Variants in RANBP10 observed in about 807,000 individuals in gnomAD.
RANBP10 encodes the protein ran-binding protein 10.
Under a neutral mutation model 72.8 loss-of-function variants are expected in RANBP10, and 24 were observed. The observed-to-expected ratio is 0.33, with a 90% CI of 0.24 to 0.46. The LOEUF (loss-of-function observed/expected upper bound fraction) is 0.46. Among genes scored for constraint, RANBP10 ranks in the 20% least tolerant of loss-of-function variants. The pLI, the probability that RANBP10 is intolerant of heterozygous loss-of-function variation, is 1.00. For missense variants in RANBP10, 679 were observed against 817.5 expected, an observed-to-expected ratio of 0.83 and a Z score of 2.07; for synonymous variants, 310 against 322.3, an observed-to-expected ratio of 0.96 and a Z score of 0.41.
chr16:67,769,322 T>C (rs141950555), intron 3 of RANBP10, among the ~76,000 whole-genome samples: 85 of 151,384 alleles, frequency 5.6e-4, no homozygotes, highest in African/African-American at 1.8e-3. Flanking sequence ...CATGTACTTA[T>C]AGTCCCAGCT....
chr16:67,771,270 T>C (rs1319675102), intron 3 of RANBP10, among the ~76,000 whole-genome samples: 1 of 151,966 alleles, frequency 6.6e-6, no homozygotes, highest in Non-Finnish European at 1.5e-5. Flanking sequence ...TATATATAAA[T>C]AAAAAATAAA....
intron 2 of RANBP10, among the ~76,000 whole-genome samples, chr16:67,800,774 G>A (rs1351154375): frequency 6.6e-6 from 1 of 152,168 alleles, no homozygotes; most frequent in African/African-American, 2.4e-5. Context: ...TACTTGAGGA[G>A]TGCCCAGAAA....
chr16:67,735,102 C>T, intron 5 of RANBP10, 60 bp from the exon 6 acceptor site: 3 of 1,439,744 alleles, frequency 2.1e-6, no homozygotes, highest in Non-Finnish European at 2.8e-6. Flanking sequence ...TAAGGCCTCA[C>T]CTCACCTCCA....
rs374525626 is a variant in RANBP10, at chr16:67,762,507, C to T, written c.400+9527G>A. 5.9e-5 allele frequency: 9 copies of T among 152,210 alleles called. No individual in the cohort carries two copies. In the East Asian group the frequency reaches 1.5e-3, roughly 26 times the overall value. 9.4% of individuals were successfully genotyped at this position (152,210 alleles called of 1,614,324 possible). A position where few individuals can be genotyped will look rare whatever the true frequency, so the allele number is the denominator to read the frequency against. ...CTCCAGAATCCATGCTCTGCTCCAC[C>T]AGCTGACCACAGCCCTTGATGTCTA... On this transcript the variant is annotated intron_variant, in intron 3 of 13. Coordinates refer to ENST00000317506, the MANE Select transcript of RANBP10 (RefSeq NM_020850.3).
intron 3 of RANBP10, among the ~76,000 whole-genome samples, chr16:67,760,432 G>A (rs1468728785): frequency 6.6e-6 from 1 of 152,212 alleles, no homozygotes; most frequent in Non-Finnish European, 1.5e-5. Flanking sequence ...CTACCCAGCA[G>A]AAGCAGCTTC....
intron 2 of RANBP10, among the ~76,000 whole-genome samples, chr16:67,786,600 T>C (rs750086078): frequency 6.6e-6 from 1 of 152,124 alleles, no homozygotes; most frequent in Non-Finnish European, 1.5e-5. Flanking sequence ...AAAACCACAA[T>C]GAGTTACCAC....
chr16:67,741,650 C>T (rs1453024136), intron 4 of RANBP10, among the ~76,000 whole-genome samples: 1 of 152,218 alleles, frequency 6.6e-6, no homozygotes, highest in African/African-American at 2.4e-5. Flanking sequence ...ATTCCTTCAT[C>T]CTTCTACCAA....
At chr16:67,737,497 C>A (rs761728742) in intron 5 of RANBP10, among the ~76,000 whole-genome samples, 1 of 152,098 alleles carries the variant, frequency 6.6e-6, no homozygotes, top group South Asian at 2.1e-4. Context: ...CCACCGCACC[C>A]GGCCAGAAAA....
chr16:67,775,850 CA>C (rs935405895), intron 2 of RANBP10, among the ~76,000 whole-genome samples: 4 of 142,634 alleles, frequency 2.8e-5, no homozygotes. Context: ...AAAGATTGCA[CA>C]AAACAAAAAA....
intron 13 of RANBP10, 80 bp from the exon 14 acceptor site, chr16:67,726,638 AG>A: frequency 6.9e-7 from 1 of 1,454,840 alleles, no homozygotes. Flanking sequence ...GGGTGGAAGG[AG>A]GGGGCAGTGG....
intron 3 of RANBP10, among the ~76,000 whole-genome samples, chr16:67,745,223 G>A (rs2054048107): frequency 6.6e-6 from 1 of 152,120 alleles, no homozygotes; most frequent in African/African-American, 2.4e-5. Flanking sequence ...TGATCCGCCT[G>A]CCTTGGCCTC....
chr16:67,740,860 C>T (rs1347068296), intron 4 of RANBP10, among the ~76,000 whole-genome samples: 1 of 152,212 alleles, frequency 6.6e-6, no homozygotes, highest in Admixed American at 6.5e-5. Context: ...GTCGGCATGA[C>T]TCTGGCATGC....
At chr16:67,771,001 G>C (rs892358364) in intron 3 of RANBP10, among the ~76,000 whole-genome samples, 1 of 151,748 alleles carries the variant, frequency 6.6e-6, no homozygotes, top group Admixed American at 6.6e-5. Flanking sequence ...AGTGGCTCAC[G>C]CCTGTTATCC....
intron 4 of RANBP10, among the ~76,000 whole-genome samples, chr16:67,743,765 T>C (rs918028301): frequency 1.3e-5 from 2 of 152,182 alleles, no homozygotes; most frequent in African/African-American, 4.8e-5. Context: ...CTCTGGTCCA[T>C]CCTTCATGGT....
intron 6 of RANBP10, among the ~76,000 whole-genome samples, chr16:67,731,939 G>A (rs1280153065): frequency 6.6e-6 from 1 of 152,188 alleles, no homozygotes; most frequent in East Asian, 1.9e-4. Flanking sequence ...AATGCAGCAA[G>A]CCTAAGAGGC....
chr16:67,780,127 G>A (rs747829238), intron 2 of RANBP10, among the ~76,000 whole-genome samples: 1 of 152,156 alleles, frequency 6.6e-6, no homozygotes, highest in African/African-American at 2.4e-5. Context: ...AGCTACTCGT[G>A]AGGCTGAGGC....
intron 2 of RANBP10, among the ~76,000 whole-genome samples, chr16:67,774,931 G>A (rs749542242): frequency 1.2e-4 from 19 of 152,172 alleles, no homozygotes; most frequent in Non-Finnish European, 2.5e-4. Context: ...TTTAAATGGT[G>A]ACTTGTATAG....
intron 2 of RANBP10, among the ~76,000 whole-genome samples, chr16:67,793,814 G>A (rs1451882706): frequency 6.6e-6 from 1 of 151,926 alleles, no homozygotes; most frequent in East Asian, 1.9e-4. Flanking sequence ...ATGGCCATAA[G>A]CCTGCATTTG....
intron 3 of RANBP10, among the ~76,000 whole-genome samples, chr16:67,746,578 G>A (rs2054084604): frequency 6.6e-6 from 1 of 152,194 alleles, no homozygotes; most frequent in South Asian, 2.1e-4. Flanking sequence ...TTAAGCCCAG[G>A]AGTTCAAGGC....
Sources: gnomAD v4.1 joint callset for allele counts (sites outside exome capture counted in the v4.1 genomes callset) on GRCh38, gnomAD v4.1.1 for gene constraint, MANE v1.5 for transcripts, NCBI Gene and HGNC (gene_info 2026-07-23, HGNC 2026-07-21) for gene names.